The following DIP2C variants were observed in gnomAD, a reference collection of about 807,000 sequenced individuals.
The protein encoded by DIP2C is DIP2 acetate--CoA ligase C (putative).
A neutral mutation model predicts 192.4 loss-of-function variants in DIP2C; 33 were observed. That is an observed-to-expected ratio of 0.17 (90% CI 0.13 to 0.23). DIP2C has a LOEUF of 0.23. Among genes scored for constraint, DIP2C ranks in the 10% least tolerant of loss-of-function variants. DIP2C has a pLI of 1.00. For missense variants in DIP2C, 1,537 were observed against 2,110.1 expected (o/e 0.73, Z 5.32); for synonymous variants, 979 against 864.1 (o/e 1.13, Z -2.33).
intron 2 of DIP2C, among the ~76,000 whole-genome samples, chr10:485,773 A>G (rs1042525117): frequency 1.3e-5 from 2 of 152,202 alleles, no homozygotes; most frequent in Non-Finnish European, 2.9e-5. Flanking sequence ...TGAGGAAGAA[A>G]CTGCTTGTGT....
chr10:348,466 T>C (rs541744924), intron 26 of DIP2C, among the ~76,000 whole-genome samples, 175 bp downstream of exon 26: 10 of 152,158 alleles, frequency 6.6e-5, no homozygotes, highest in African/African-American at 9.7e-5. Flanking sequence ...ATCTCGCTTC[T>C]AGACCTAGAC....
chr10:399,253 G>A (rs756743033), intron 9 of DIP2C, 34 bp from the exon 10 acceptor site: 23 of 1,577,438 alleles, frequency 1.5e-5, no homozygotes, highest in South Asian at 4.4e-5. Context: ...CAGCATTAAC[G>A]TGGGGTCCTG....
chr10:514,896 G>A (rs545279083), intron 1 of DIP2C, among the ~76,000 whole-genome samples: 30 of 152,276 alleles, frequency 2.0e-4, no homozygotes, highest in Non-Finnish European at 3.4e-4. Context: ...CTAGGTGCCT[G>A]CAATAACCTC....
At chr10:645,910 C>T (rs1176508792) in intron 1 of DIP2C, among the ~76,000 whole-genome samples, 1 of 152,142 alleles carries the variant, frequency 6.6e-6, no homozygotes, top group Non-Finnish European at 1.5e-5. Context: ...CGTCCCCCGA[C>T]CTCTGATTTT....
chr10:543,711 A>G (rs1209930291), intron 1 of DIP2C, among the ~76,000 whole-genome samples: 1 of 149,180 alleles, frequency 6.7e-6, no homozygotes, highest in Admixed American at 6.6e-5. Flanking sequence ...CGCATTCTAA[A>G]TATCAACACC....
Position 389,725 on chromosome 10 carries a change from A to AC in DIP2C, c.1597+265dup, listed in dbSNP as rs567478402. On this transcript the variant is annotated intron_variant, in intron 13 of 36. Transcript: ENST00000280886. ...ACCTCCTACGAGAAACCTGGAAGAGACCCCCACTGGGAACTGCCCAAGGAC... is the reference window on the plus strand; with the variant it reads ...ACCTCCTACGAGAAACCTGGAAGAGACCCCCCACTGGGAACTGCCCAAGGAC... 2.6e-5 allele frequency among the ~76,000 whole-genome samples: 4 copies of AC among 152,106 alleles called. No individual in the cohort carries two copies. In the South Asian group the frequency reaches 6.3e-4, roughly 24 times the overall value.
intron 3 of DIP2C, among the ~76,000 whole-genome samples, chr10:462,111 T>A (rs1014416794): frequency 1.3e-5 from 2 of 151,820 alleles, no homozygotes; most frequent in African/African-American, 4.8e-5. Context: ...AACATCATAA[T>A]TAAAAGAACT....
intron 1 of DIP2C, chr10:667,681 AAC>A (rs1024595173): frequency 2.0e-5 from 3 of 152,208 alleles, no homozygotes; most frequent in African/African-American, 7.2e-5. Context: ...ACGTACGTAC[AAC>A]ACATACACAC....
chr10:448,224 A>ATTG (rs1968467458), intron 3 of DIP2C, among the ~76,000 whole-genome samples: 1 of 87,362 alleles, frequency 1.1e-5, no homozygotes, highest in Admixed American at 1.1e-4. Flanking sequence ...CATTCCCGTC[A>ATTG]ATAATCAGGA....
intron 3 of DIP2C, among the ~76,000 whole-genome samples, chr10:457,457 C>T (rs1053338265): frequency 6.6e-6 from 1 of 152,168 alleles, no homozygotes; most frequent in African/African-American, 2.4e-5. Flanking sequence ...AGTCAGGAAC[C>T]CAATCCAATG....
chr10:278,823 C>A (rs573489465), intron 36 of DIP2C, among the ~76,000 whole-genome samples: 5 of 152,232 alleles, frequency 3.3e-5, no homozygotes, highest in Admixed American at 1.3e-4. Flanking sequence ...TGTTTAAGGG[C>A]CCTGACATTC....
chr10:472,133 CA>C (rs1420062840), intron 3 of DIP2C, among the ~76,000 whole-genome samples: 3 of 152,140 alleles, frequency 2.0e-5, no homozygotes, highest in African/African-American at 7.2e-5. Flanking sequence ...ACTATACTAG[CA>C]ACCACGATTA....
At chr10:297,492 T>A (rs1489674262) in intron 32 of DIP2C, among the ~76,000 whole-genome samples, 1 of 152,112 alleles carries the variant, frequency 6.6e-6, no homozygotes, top group African/African-American at 2.4e-5. Context: ...GATTCAGCCA[T>A]AACAGAGAAT....
At chr10:483,420 T>TG (rs1843757801) in intron 2 of DIP2C, among the ~76,000 whole-genome samples, 1 of 152,240 alleles carries the variant, frequency 6.6e-6, no homozygotes, top group South Asian at 2.1e-4. Flanking sequence ...CAGCTGCACA[T>TG]GGTGCACACT....
chr10:395,743 C>A (rs1479043913), intron 10 of DIP2C, among the ~76,000 whole-genome samples: 2 of 152,204 alleles, frequency 1.3e-5, no homozygotes, highest in Non-Finnish European at 2.9e-5. Flanking sequence ...GGTGATAAAA[C>A]CATAGCCACA....
intron 1 of DIP2C, among the ~76,000 whole-genome samples, chr10:574,800 G>A (rs1225686653): frequency 1.1e-4 from 16 of 152,226 alleles, no homozygotes; most frequent in Admixed American, 1.0e-3. Flanking sequence ...TAGAGGTCTT[G>A]TGCAGGACCA....
chr10:513,624 C>CTGAAAAAG (rs1554887558), intron 1 of DIP2C, among the ~76,000 whole-genome samples: 1 of 152,100 alleles, frequency 6.6e-6, no homozygotes, highest in Non-Finnish European at 1.5e-5. Context: ...CACACCTTAC[C>CTGAAAAAG]TGAAAGTCAC....
chr10:592,914 C>T (rs926735033), intron 1 of DIP2C, among the ~76,000 whole-genome samples: 1 of 152,132 alleles, frequency 6.6e-6, no homozygotes, highest in Non-Finnish European at 1.5e-5. Context: ...AACTTCTGTG[C>T]AAAATGGCAT....
intron 36 of DIP2C, among the ~76,000 whole-genome samples, chr10:278,427 C>A (rs367782304): frequency 2.2e-5 from 3 of 139,036 alleles, no homozygotes; most frequent in East Asian, 2.1e-4. Context: ...CTTCTCCTGG[C>A]GTGCCTGTGC....
Sources: allele counts gnomAD v4.1 joint callset (sites outside exome capture counted in the v4.1 genomes callset), GRCh38; gene constraint gnomAD v4.1.1; transcripts MANE v1.5; gene names NCBI Gene and HGNC (gene_info 2026-07-23, HGNC 2026-07-21).